The following FADS1 variants were observed in gnomAD, a reference collection of about 807,000 sequenced individuals.
FADS1 encodes the protein acyl-CoA (8-3)-desaturase.
A neutral mutation model predicts 61.6 loss-of-function variants in FADS1; 17 were observed. The ratio of observed to expected loss-of-function variants is 0.28; its 90% CI spans 0.19 to 0.41. FADS1 has a LOEUF of 0.41. Ranked by LOEUF, FADS1 falls within the 10% of genes least tolerant of loss-of-function variation. The probability of loss-of-function intolerance (pLI) is 1.00; values close to 1 mark genes in which losing one functional copy is unlikely to be tolerated. For missense variants in FADS1, 387 were observed against 650.9 expected (o/e 0.59, Z 4.41); for synonymous variants, 238 against 258.7 (o/e 0.92, Z 0.77).
At chr11:61,806,990 C>T (rs1282029211) in intron 5 of FADS1, among the ~76,000 whole-genome samples, 2 of 152,252 alleles carry the variant, frequency 1.3e-5, no homozygotes, top group Admixed American at 6.5e-5. Context: ...GTCTACAGGA[C>T]CACAGGCCCT....
chr11:61,806,654 G>C lies in FADS1; in HGVS notation c.976+10C>G. On this transcript the variant is annotated intron_variant, in intron 6 of 11. Coordinates refer to ENST00000350997, the MANE Select transcript of FADS1 (RefSeq NM_013402.7). The stretch of plus-strand genomic sequence containing the variant: ...GAGGCAGCTCCCCTGTGTTGGATGG[G>C]GACACTCACTTAGGAAGAAGTATTT... 6.2e-7 allele frequency: 1 copy of C among 1,612,472 alleles called. No individual in the cohort carries two copies. The highest frequency in any genetic ancestry group is 8.5e-7 in the Non-Finnish European group (1 of 1,178,536).
At position 61,802,576 on chromosome 11, in the gene FADS1, C is replaced by A; in HGVS notation, c.1455-114G>T. ...CATCTGGAGGTTTTCCTCCCCTCTA[C>A]TTTAGAGAAAGCTAGCTTGGGCCAT... On this transcript the variant is annotated intron_variant, in intron 11 of 11. Transcript: ENST00000350997. The surrounding 1 kb of genome is among the most constrained non-coding windows in gnomAD (Gnocchi z 4.2). The A allele has an allele frequency of 7.9e-7, 1 of 1,271,092 alleles. No homozygotes were observed. The highest frequency in any genetic ancestry group is 1.1e-6 in the Non-Finnish European group (1 of 896,518). The allele number at this position is 1,271,092 out of a possible 1,614,324, so 78.7% of individuals were successfully genotyped here.
In FADS1 at chr11:61,802,129, G is replaced by C. The variant is rs1376327668; in HGVS notation, c.*282C>G. The C allele has an allele frequency of 2.4e-6, 1 of 425,118 alleles. No homozygotes were observed. The highest frequency in any genetic ancestry group is 4.4e-6 in the Non-Finnish European group (1 of 229,434). The allele number at this position is 425,118 out of a possible 1,614,324, so 26.3% of individuals were successfully genotyped here. A position where few individuals can be genotyped will look rare whatever the true frequency, so the allele number is the denominator to read the frequency against. On this transcript the variant is annotated 3_prime_UTR_variant, in exon 12 of 12. Coordinates refer to ENST00000350997, the MANE Select transcript of FADS1 (RefSeq NM_013402.7). The surrounding 1 kb of genome is among the most constrained non-coding windows in gnomAD (Gnocchi z 4.2). ...TTCTGTTACCCTCCTGGTTCTCTCTGTTCACCAACTACCTGCATGTGCCAA... is the reference window on the plus strand; with the variant it reads ...TTCTGTTACCCTCCTGGTTCTCTCTCTTCACCAACTACCTGCATGTGCCAA...
chr11:61,803,082 A>C lies in FADS1; in HGVS notation c.1278T>G (p.Ser426=), dbSNP rs781012098. The C allele has an allele frequency of 1.2e-6, 2 of 1,614,034 alleles. No homozygotes were observed. The highest frequency in any genetic ancestry group is 1.3e-5 in the African/African-American group (1 of 74,902). ...GTCCACTGAACCAGTCATTGAAGGCAGACTTGTGGACATTGCATGTGGCCT... is the reference window on the plus strand; with the variant it reads ...GTCCACTGAACCAGTCATTGAAGGCCGACTTGTGGACATTGCATGTGGCCT... ...QLQATCNVHK[S]AFNDWFSGHL... is the part of the protein sequence containing the mutation. The change falls in exon 10 of 12, where the codon TCT becomes TCG. Residue 426 remains serine, a synonymous_variant. Coordinates refer to ENST00000350997, the MANE Select transcript of FADS1 (RefSeq NM_013402.7). This position sits in a 1 kb window ranked among gnomAD's most constrained non-coding sequence, Gnocchi z 4.3.
chr11:61,816,052 T>A lies in FADS1; in HGVS notation c.375+503A>T. 1 of 581,138 alleles carries A rather than the reference T, an allele frequency of 1.7e-6. No homozygotes were observed. Among genetic ancestry groups the A allele is most frequent in the Non-Finnish European group, 3.0e-6 (1 of 327,888 alleles). The allele number at this position is 581,138 out of a possible 1,614,324, so 36.0% of individuals were successfully genotyped here. ...CCCGTTTCAGCCCCATCCTCGAGAATGGGCTCCTTTCCTGCTCCCTCTCCG... is the reference window on the plus strand; with the variant it reads ...CCCGTTTCAGCCCCATCCTCGAGAAAGGGCTCCTTTCCTGCTCCCTCTCCG... On this transcript the variant is annotated intron_variant, in intron 1 of 11. Transcript: ENST00000350997. This position sits in a 1 kb window ranked among gnomAD's most constrained non-coding sequence, Gnocchi z 7.0.
At position 61,816,946 on chromosome 11, in the gene FADS1, C is replaced by T. The variant is rs2066991583; in HGVS notation, c.-17G>A. ...CGTTCCCATTGGCCGAGCCTCGTGGCGCGGGGAGCGAGATCCCGTCCCCCG... is the reference window on the plus strand; with the variant it reads ...CGTTCCCATTGGCCGAGCCTCGTGGTGCGGGGAGCGAGATCCCGTCCCCCG... On this transcript the variant is annotated 5_prime_UTR_variant, in exon 1 of 12. Transcript: ENST00000350997. The surrounding 1 kb of genome is among the most constrained non-coding windows in gnomAD (Gnocchi z 7.0). 7.3e-7 allele frequency: 1 copy of T among 1,375,462 alleles called. No individual in the cohort carries two copies. The highest frequency in any genetic ancestry group is 9.3e-7 in the Non-Finnish European group (1 of 1,073,122). 85.2% of individuals were successfully genotyped at this position (1,375,462 alleles called of 1,614,324 possible). A position where few individuals can be genotyped will look rare whatever the true frequency, so the allele number is the denominator to read the frequency against.
Position 61,815,600 on chromosome 11 carries a change from G to A in FADS1, c.375+955C>T. 6.5e-6 allele frequency: 1 copy of A among 152,682 alleles called. No homozygotes were observed. The highest frequency in any genetic ancestry group is 1.5e-5 in the Non-Finnish European group (1 of 68,290). The allele number at this position is 152,682 out of a possible 1,614,324, so 9.5% of individuals were successfully genotyped here. A position where few individuals can be genotyped will look rare whatever the true frequency, so the allele number is the denominator to read the frequency against. On this transcript the variant is annotated intron_variant, in intron 1 of 11. Coordinates refer to ENST00000350997, the MANE Select transcript of FADS1 (RefSeq NM_013402.7). This position sits in a 1 kb window ranked among gnomAD's most constrained non-coding sequence, Gnocchi z 6.4. ...CCGCCAAGGGGGAAACGCGGTGAAG[G>A]GAACGCCCCGACTTTCGAGTCCCTA...
Position 61,803,516 on chromosome 11 carries a change from C to T in FADS1, c.1152-57G>A, listed in dbSNP as rs1289401615. 14 of 1,464,826 alleles carry T rather than the reference C, an allele frequency of 9.6e-6. No homozygotes were observed. The highest frequency in any genetic ancestry group is 2.3e-5 in the South Asian group (2 of 88,014). 90.7% of individuals were successfully genotyped at this position (1,464,826 alleles called of 1,614,324 possible). ...ACACACAGAGCCCAGAATTCTGATT[C>T]CCCCCTCAGATAACTGCTCCAGCCT... On this transcript the variant is annotated intron_variant, in intron 8 of 11. Coordinates refer to ENST00000350997, the MANE Select transcript of FADS1 (RefSeq NM_013402.7). The surrounding 1 kb of genome is among the most constrained non-coding windows in gnomAD (Gnocchi z 4.3).
rs902347322 is a variant in FADS1, at chr11:61,799,985, G to C, written c.*2426C>G. On this transcript the variant is annotated 3_prime_UTR_variant, in exon 12 of 12. Coordinates refer to ENST00000350997, the MANE Select transcript of FADS1 (RefSeq NM_013402.7). Reference sequence around the variant, plus strand: ...TGCTGTAGGCTGAGAAGGCCACAGTGGTTCAGGTGCTTTGAGGACTTGGTC... The same window carrying C: ...TGCTGTAGGCTGAGAAGGCCACAGTCGTTCAGGTGCTTTGAGGACTTGGTC... 3.9e-4 allele frequency: 60 copies of C among 152,932 alleles called. No homozygotes were observed. Among genetic ancestry groups the C allele is most frequent in the African/African-American group, 1.3e-3 (56 of 41,574 alleles). The allele number at this position is 152,932 out of a possible 1,614,324, so 9.5% of individuals were successfully genotyped here. A position where few individuals can be genotyped will look rare whatever the true frequency, so the allele number is the denominator to read the frequency against.
Position 61,810,957 on chromosome 11 carries a change from C to G in FADS1, c.786+17G>C, listed in dbSNP as rs760583580. 1 of 1,613,988 alleles carries G rather than the reference C, an allele frequency of 6.2e-7. No homozygotes were observed. Among genetic ancestry groups the G allele is most frequent in the Admixed American group, 1.7e-5 (1 of 60,020 alleles). On this transcript the variant is annotated intron_variant, in intron 4 of 11. Coordinates refer to ENST00000350997, the MANE Select transcript of FADS1 (RefSeq NM_013402.7). ...CATTGCCTGGAGTTTTAGAGAGCTC[C>G]TCCCCATCCCACTGACCTTCAGGTG...
Position 61,816,480 on chromosome 11 carries a change from A to C in FADS1, c.375+75T>G, listed in dbSNP as rs1165567106. On this transcript the variant is annotated intron_variant, in intron 1 of 11. Coordinates refer to ENST00000350997, the MANE Select transcript of FADS1 (RefSeq NM_013402.7). The surrounding 1 kb of genome is among the most constrained non-coding windows in gnomAD (Gnocchi z 7.0). ...CCGAATTAGTCGGTGTTTGGCTCGG[A>C]GTGCGTAACTCTGTCTCCCCTGCAC... 2 of 1,601,302 alleles carry C rather than the reference A, an allele frequency of 1.2e-6. No homozygotes were observed. The highest frequency in any genetic ancestry group is 1.7e-6 in the Non-Finnish European group (2 of 1,179,004).
In FADS1 at chr11:61,811,031, G is replaced by C; in HGVS notation, c.729C>G (p.Val243=). 6.2e-7 allele frequency: 1 copy of C among 1,614,032 alleles called. No individual in the cohort carries two copies. Among genetic ancestry groups the C allele is most frequent in the Non-Finnish European group, 8.5e-7 (1 of 1,180,020 alleles). ...WLQHDFGHLS[V]FSTSKWNHLL... ...GATGGTTCCACTTTGAGGTGCTGAA[G>C]ACCGACAGGTGCCCAAAGTCATGCT... The change falls in exon 4 of 12, where the codon GTC becomes GTG. Residue 243 remains valine, a synonymous_variant. Transcript: ENST00000350997.
Position 61,816,376 on chromosome 11 carries a change from C to T in FADS1, c.375+179G>A, listed in dbSNP as rs546691103. 6.3e-7 allele frequency: 1 copy of T among 1,598,510 alleles called. No individual in the cohort carries two copies. Among genetic ancestry groups the T allele is most frequent in the African/African-American group, 1.3e-5 (1 of 75,068 alleles). On this transcript the variant is annotated intron_variant, in intron 1 of 11. Coordinates refer to ENST00000350997, the MANE Select transcript of FADS1 (RefSeq NM_013402.7). The surrounding 1 kb of genome is among the most constrained non-coding windows in gnomAD (Gnocchi z 7.0). ...CCAGACTCCACTTCTCCAGGCCTCTCTCCCGCCTTTTCATCCCGCATCCGC... is the reference window on the plus strand; with the variant it reads ...CCAGACTCCACTTCTCCAGGCCTCTTTCCCGCCTTTTCATCCCGCATCCGC...
At position 61,804,761 on chromosome 11, in the gene FADS1, A is replaced by G; in HGVS notation, c.977T>C (p.Ile326Thr). ...GAGAGGCAGCAAGGCTGGGGGCCCA[A>G]CTGGGGAGGAAACCGAGACAAAGAG... is the stretch of plus-strand genomic sequence containing the variant. Reference protein sequence around the residue: ...YNHQHKYFFLIGPPALLPLYF... With the variant: ...YNHQHKYFFLTGPPALLPLYF... Residue 326 changes from isoleucine (I) to threonine (T), a missense_variant and splice_region_variant, in exon 7 of 12, where the codon ATT (isoleucine) becomes ACT (threonine). Physicochemically the swap from Ile to Thr is moderately conservative, Grantham distance 89. Transcript: ENST00000350997. 6.2e-7 allele frequency: 1 copy of G among 1,613,824 alleles called. No individual in the cohort carries two copies.
At position 61,802,751 on chromosome 11, in the gene FADS1, C is replaced by T. The variant is rs2066865284; in HGVS notation, c.1454+50G>A. The T allele has an allele frequency of 6.2e-7, 1 of 1,612,122 alleles. No individual in the cohort carries two copies. Among genetic ancestry groups the T allele is most frequent in the African/African-American group, 1.3e-5 (1 of 74,924 alleles). On this transcript the variant is annotated intron_variant, in intron 11 of 11. Transcript: ENST00000350997. The surrounding 1 kb of genome is among the most constrained non-coding windows in gnomAD (Gnocchi z 4.2). The stretch of plus-strand genomic sequence containing the variant: ...CCCTACATGTCATCATTTCCATTGC[C>T]CTGCCCTCTTCCCTCCCTACTAGCC...
At position 61,800,520 on chromosome 11, in the gene FADS1, C is replaced by G. The variant is rs552883766; in HGVS notation, c.*1891G>C. 6.6e-6 allele frequency: 1 copy of G among 152,282 alleles called. No homozygotes were observed. Among genetic ancestry groups the G allele is most frequent in the Non-Finnish European group, 1.5e-5 (1 of 68,028 alleles). 9.4% of individuals were successfully genotyped at this position (152,282 alleles called of 1,614,324 possible). A position where few individuals can be genotyped will look rare whatever the true frequency, so the allele number is the denominator to read the frequency against. ...ATGTCTTTGTGTTGACAAACCTAAC[C>G]TTCCATGTCTTTTTGTTGACAAACC... On this transcript the variant is annotated 3_prime_UTR_variant, in exon 12 of 12. Transcript: ENST00000350997.
chr11:61,803,257 A>G lies in FADS1; in HGVS notation c.1248+106T>C. The G allele has an allele frequency of 8.1e-7, 1 of 1,238,770 alleles. No individual in the cohort carries two copies. The highest frequency in any genetic ancestry group is 1.2e-6 in the Non-Finnish European group (1 of 839,550). The allele number at this position is 1,238,770 out of a possible 1,614,324, so 76.7% of individuals were successfully genotyped here. ...GGTTGCAGAACAAGAGCCTCAGGCT[A>G]ATGAGAAAATGCTGTTTGGGGGACT... On this transcript the variant is annotated intron_variant, in intron 9 of 11. Coordinates refer to ENST00000350997, the MANE Select transcript of FADS1 (RefSeq NM_013402.7). This position sits in a 1 kb window ranked among gnomAD's most constrained non-coding sequence, Gnocchi z 4.3.
Position 61,811,955 on chromosome 11 carries a change from C to T in FADS1, c.684+516G>A, listed in dbSNP as rs72643557. ...GGTCTTGAACTGAGATCAAGTGATC[C>T]GGCCACCTTGGCCTCCCAAAGTGCT... On this transcript the variant is annotated intron_variant, in intron 3 of 11. Coordinates refer to ENST00000350997, the MANE Select transcript of FADS1 (RefSeq NM_013402.7). The T allele has an allele frequency of 0.019, 6,891 of 371,072 alleles. 1,416 individuals are homozygous for T. The East Asian group carries it at 0.45, about 24-fold the overall frequency. The allele number at this position is 371,072 out of a possible 1,614,324, so 23.0% of individuals were successfully genotyped here. A position where few individuals can be genotyped will look rare whatever the true frequency, so the allele number is the denominator to read the frequency against.
In FADS1 at chr11:61,801,490, T is replaced by A. The variant is rs1363378088; in HGVS notation, c.*921A>T. 6.6e-6 allele frequency: 1 copy of A among 152,358 alleles called. No homozygotes were observed. The highest frequency in any genetic ancestry group is 1.5e-5 in the Non-Finnish European group (1 of 68,034). 9.4% of individuals were successfully genotyped at this position (152,358 alleles called of 1,614,324 possible). ...GAGCTTTTTAAATAGCCAGCAACTC[T>A]CTCTACCATCTGTTTTGGTAAGAGC... On this transcript the variant is annotated 3_prime_UTR_variant, in exon 12 of 12. Transcript: ENST00000350997.
Sources: gnomAD v4.1 joint callset for allele counts (sites outside exome capture counted in the v4.1 genomes callset) on GRCh38, gnomAD v4.1.1 for gene constraint, Gnocchi (gnomAD v3.1) non-coding constraint, MANE v1.5 for transcripts, NCBI Gene and HGNC (gene_info 2026-07-23, HGNC 2026-07-21) for gene names.